Variants in ZNF91 observed in about 807,000 individuals in gnomAD.
ZNF91 encodes zinc finger protein 91 (HPF7, HTF10).
A neutral mutation model predicts 12.6 loss-of-function variants in ZNF91; 7 were observed. The ratio of observed to expected loss-of-function variants is 0.55; its 90% CI spans 0.31 to 1.04. The LOEUF (loss-of-function observed/expected upper bound fraction) is 1.04, where lower values mean the gene tolerates loss of function less well. Among genes scored for constraint, ZNF91 ranks in the 50% least tolerant of loss-of-function variants. ZNF91 has a pLI of 0.05. For synonymous variants in ZNF91, 453 were observed against 462.6 expected, an observed-to-expected ratio of 0.98 and a Z score of 0.27; for missense variants, 1,217 against 1,385.4, an observed-to-expected ratio of 0.88 and a Z score of 1.93.
downstream of ZNF91, among the ~76,000 whole-genome samples, chr19:23,356,308 AAT>A (rs1186620844): frequency 6.6e-6 from 1 of 151,910 alleles, no homozygotes; most frequent in Admixed American, 6.6e-5. Context: ...GAATCTGTGA[AAT>A]ATATATATGT....
At chr19:23,345,890 G>A (rs1021991675) in intron 3 of ZNF91, among the ~76,000 whole-genome samples, 15 of 151,530 alleles carry the variant, frequency 9.9e-5, no homozygotes, top group South Asian at 2.1e-4. Flanking sequence ...AACCCATCCC[G>A]CCACTTTACA....
downstream of ZNF91, among the ~76,000 whole-genome samples, chr19:23,337,008 T>C (rs754054026): frequency 9.2e-5 from 14 of 152,310 alleles, no homozygotes; most frequent in Non-Finnish European, 1.9e-4. Context: ...TACAAATGTG[T>C]TGGGTGCAAG....
chr19:23,323,196 A>C (rs1460019822), intron 1 of ZNF91, among the ~76,000 whole-genome samples: 18 of 115,676 alleles, frequency 1.6e-4, no homozygotes, highest in Middle Eastern at 8.3e-3. Context: ...TCCTATCCAC[A>C]TTCTCCTCTT....
At chr19:23,381,133 T>C (rs141791084) in intron 1 of ZNF91, among the ~76,000 whole-genome samples, 224 of 152,316 alleles carry the variant, frequency 1.5e-3, no homozygotes, top group African/African-American at 5.1e-3. Flanking sequence ...GGATATTAGA[T>C]ATAAATATGT....
At chr19:23,319,999 G>C (rs1314449544) in intron 1 of ZNF91, among the ~76,000 whole-genome samples, 1 of 152,188 alleles carries the variant, frequency 6.6e-6, no homozygotes, top group Non-Finnish European at 1.5e-5. Flanking sequence ...AAGTGGTACA[G>C]AGAGTGTCAT....
intron 1 of ZNF91, chr19:23,328,879 T>C (rs295409): frequency 0.34 from 51,380 of 151,942 alleles, 9,969 homozygotes; most frequent in African/African-American, 0.54. Flanking sequence ...TGGTGCCTCA[T>C]TGAGACTGGA....
intron 3 of ZNF91, among the ~76,000 whole-genome samples, chr19:23,365,564 T>G (rs897803649): frequency 4.2e-5 from 6 of 141,970 alleles, no homozygotes; most frequent in African/African-American, 1.5e-4. Context: ...CAGACAAATA[T>G]AGAAGTCTTT....
intron 3 of ZNF91, among the ~76,000 whole-genome samples, chr19:23,365,117 A>AT (rs1968949657): frequency 6.6e-6 from 1 of 152,148 alleles, no homozygotes; most frequent in South Asian, 2.1e-4. Flanking sequence ...GGAAAAAATA[A>AT]TACAGAGATT....
At chr19:23,353,561 C>G (rs544180067), downstream of ZNF91, among the ~76,000 whole-genome samples, 13 of 152,040 alleles carry the variant, frequency 8.6e-5, no homozygotes, top group Non-Finnish European at 1.8e-4. Flanking sequence ...GAAACAAGAA[C>G]AAACCAAACC....
chr19:23,339,167 CAA>C (rs1319013806), intron 3 of ZNF91: 2 of 151,356 alleles, frequency 1.3e-5, no homozygotes. Context: ...AGATTAAAGG[CAA>C]ATGGGGGGGA....
upstream of ZNF91, among the ~76,000 whole-genome samples, chr19:23,315,311 A>G (rs1967537225): frequency 6.6e-6 from 1 of 152,158 alleles, no homozygotes; most frequent in Non-Finnish European, 1.5e-5. Context: ...AGGCATTATG[A>G]CATATCTCTG....
intron 3 of ZNF91, among the ~76,000 whole-genome samples, chr19:23,369,528 G>A (rs968125627): frequency 2.6e-5 from 4 of 152,130 alleles, no homozygotes; most frequent in Non-Finnish European, 5.9e-5. Context: ...CATTGAGAAG[G>A]GGCCATGATG....
intron 3 of ZNF91, among the ~76,000 whole-genome samples, chr19:23,351,565 T>C (rs920400989): frequency 4.6e-5 from 7 of 152,148 alleles, no homozygotes; most frequent in South Asian, 2.1e-4. Flanking sequence ...ATGTAAATGA[T>C]TGCAATTCTA....
Position 23,361,325 on chromosome 19 carries a change from C to T in ZNF91, c.1654G>A (p.Gly552Ser). Residue 552 changes from glycine to serine, a missense_variant, in exon 4 of 4, where the codon GGC (glycine) becomes AGC (serine). Physicochemically the swap from Gly to Ser is moderately conservative, Grantham distance 56. Coordinates refer to ENST00000300619, the MANE Select transcript of ZNF91 (RefSeq NM_003430.4). ...REKPYKCKEC[G>S]KAFKQFSTLT... The stretch of plus-strand genomic sequence containing the variant: ...GTTGAGAATTGCTTAAAAGCTTTGC[C>T]ACATTCTTTACATTTGTAGGGTTTC... The T allele has an allele frequency of 6.2e-7, 1 of 1,610,014 alleles. No individual in the cohort carries two copies. Among genetic ancestry groups the T allele is most frequent in the Non-Finnish European group, 8.5e-7 (1 of 1,178,398 alleles).
At chr19:23,375,926 A>G (rs1210724403) in intron 1 of ZNF91, among the ~76,000 whole-genome samples, 1 of 152,242 alleles carries the variant, frequency 6.6e-6, no homozygotes, top group African/African-American at 2.4e-5. Flanking sequence ...AGTAAATTAC[A>G]GTCTCAATTT....
chr19:23,368,684 G>T (rs1167348684), intron 3 of ZNF91, among the ~76,000 whole-genome samples: 4 of 151,666 alleles, frequency 2.6e-5, no homozygotes, highest in Non-Finnish European at 5.9e-5. Flanking sequence ...CAAAATTTCT[G>T]CATACTTAAG....
At chr19:23,364,248 G>A (rs927417231) in intron 3 of ZNF91, among the ~76,000 whole-genome samples, 1 of 152,202 alleles carries the variant, frequency 6.6e-6, no homozygotes, top group Non-Finnish European at 1.5e-5. Flanking sequence ...AGGAGTTTGA[G>A]ATCAGCCTGA....
chr19:23,373,293 A>G (rs1366994648), intron 3 of ZNF91, among the ~76,000 whole-genome samples: 1 of 149,140 alleles, frequency 6.7e-6, no homozygotes, highest in Non-Finnish European at 1.5e-5. Flanking sequence ...ATTTAAAGTC[A>G]TTGAAATTGA....
chr19:23,365,743 C>T (rs958203337), intron 3 of ZNF91, among the ~76,000 whole-genome samples: 10 of 152,008 alleles, frequency 6.6e-5, no homozygotes, highest in African/African-American at 2.4e-4. Context: ...TCCCTGGGTA[C>T]TTGAGATTAG....
Sources: allele counts gnomAD v4.1 joint callset (sites outside exome capture counted in the v4.1 genomes callset), GRCh38; gene constraint gnomAD v4.1.1; transcripts MANE v1.5; gene names NCBI Gene and HGNC (gene_info 2026-07-23, HGNC 2026-07-21).